Variants in ANO9 observed in about 807,000 individuals in gnomAD.
ANO9 encodes anoctamin-9.
A neutral mutation model predicts 100.5 loss-of-function variants in ANO9; 80 were observed. The ratio of observed to expected loss-of-function variants is 0.80; its 90% CI spans 0.66 to 0.96. The LOEUF is 0.96. Among genes scored for constraint, ANO9 ranks in the 40% least tolerant of loss-of-function variants. The pLI is 0.00. For synonymous variants in ANO9, 473 were observed against 435.6 expected, an observed-to-expected ratio of 1.09 and a Z score of -1.07; for missense variants, 1,064 against 1,072.7, an observed-to-expected ratio of 0.99 and a Z score of 0.11.
At position 419,134 on chromosome 11, in the gene ANO9, G is replaced by C. The variant is rs979099195; in HGVS notation, c.1935-145C>G. On this transcript the variant is annotated intron_variant, in intron 20 of 22. Transcript: ENST00000332826. ...CTGCGTCCAGTGGGACGGGGCTCCC[G>C]GGCCAAGCACATCTTCACATCCGGG... is the stretch of plus-strand genomic sequence containing the variant. 40 of 1,471,368 alleles carry C rather than the reference G, an allele frequency of 2.7e-5. No homozygotes were observed. In the Admixed American group the frequency reaches 5.8e-4, roughly 21 times the overall value. 91.1% of individuals were successfully genotyped at this position (1,471,368 alleles called of 1,614,324 possible). A position where few individuals can be genotyped will look rare whatever the true frequency, so the allele number is the denominator to read the frequency against.
At chr11:431,203 G>A (rs1347957465) in intron 7 of ANO9, among the ~76,000 whole-genome samples, 4 of 107,816 alleles carry the variant, frequency 3.7e-5, no homozygotes, top group Non-Finnish European at 3.9e-5. Flanking sequence ...GGCTTCCGCA[G>A]GGGTGTGGGG....
chr11:437,719 G>A lies in ANO9; in HGVS notation c.7-3621C>T, dbSNP rs1039618537. On this transcript the variant is annotated intron_variant, in intron 1 of 22. Coordinates refer to ENST00000332826, the MANE Select transcript of ANO9 (RefSeq NM_001012302.3). ...GGGGGGGACTGGTGGTCTGGGGGACGTGGGCATCACGGCTCCAGCTCTGCA... is the reference window on the plus strand; with the variant it reads ...GGGGGGGACTGGTGGTCTGGGGGACATGGGCATCACGGCTCCAGCTCTGCA... Among the ~76,000 whole-genome samples the A allele has an allele frequency of 1.2e-4, 18 of 152,362 alleles. No homozygotes were observed. In the East Asian group the frequency reaches 2.7e-3, roughly 23 times the overall value.
rs924269565 is a variant in ANO9 at position 421,733 on chromosome 11, C to T, written c.1335-535G>A. Among the ~76,000 whole-genome samples the T allele has an allele frequency of 6.6e-6, 1 of 152,206 alleles. No homozygotes were observed. Among genetic ancestry groups the T allele is most frequent in the African/African-American group, 2.4e-5 (1 of 41,448 alleles). ...GTTACGAGTGGCCTCGGTTTCTCCC[C>T]GTGGAAACGGCACGATGGGTTATTT... is the stretch of plus-strand genomic sequence containing the variant. On this transcript the variant is annotated intron_variant, in intron 15 of 22. Coordinates refer to ENST00000332826, the MANE Select transcript of ANO9 (RefSeq NM_001012302.3). This position sits in a 1 kb window ranked among gnomAD's most constrained non-coding sequence, Gnocchi z 6.8.
chr11:429,619 C>T lies in ANO9; in HGVS notation c.866G>A (p.Arg289His), dbSNP rs770127372. 1.7e-5 allele frequency: 28 copies of T among 1,612,618 alleles called. No individual in the cohort carries two copies. Among genetic ancestry groups the T allele is most frequent in the South Asian group, 4.4e-5 (4 of 91,088 alleles). ...GTCCCAGTGCAGGACCACGCGGGCG[C>T]GCTGCCGCTTCCAGATCTCCAGGAA... ...TVFLEIWKRQRARVVLHWDLY... is the reference protein window; with the variant it reads ...TVFLEIWKRQHARVVLHWDLY... Residue 289 changes from arginine (R) to histidine (H), a missense_variant, in exon 11 of 23, where the codon CGC becomes CAC. Arg to His is a conservative substitution (Grantham distance 29, BLOSUM62 0). Transcript: ENST00000332826.
intron 19 of ANO9, chr11:420,166 C>T (rs1848085077): frequency 7.3e-7 from 1 of 1,371,794 alleles, no homozygotes; most frequent in African/African-American, 1.5e-5. Flanking sequence ...CAGAGGCCGG[C>T]TGCTCTGTTC....
Position 430,188 on chromosome 11 carries a change from G to A in ANO9, c.675-9C>T, listed in dbSNP as rs1481498406. On this transcript the variant is annotated splice_polypyrimidine_tract_variant and intron_variant, in intron 8 of 22. Transcript: ENST00000332826. ...CCTCACAGATCTCCTTGCTGAAGGG[G>A]CAGGGATGAGGCTGGGGTCGGCTCC... is the stretch of plus-strand genomic sequence containing the variant. 3 of 1,550,928 alleles carry A rather than the reference G, an allele frequency of 1.9e-6. No homozygotes were observed. The highest frequency in any genetic ancestry group is 2.6e-6 in the Non-Finnish European group (3 of 1,147,626).
intron 1 of ANO9, among the ~76,000 whole-genome samples, chr11:439,899 A>T (rs552942131): frequency 2.0e-5 from 3 of 152,094 alleles, no homozygotes; most frequent in African/African-American, 7.2e-5. Flanking sequence ...CCATCCCCAG[A>T]CACTGACGGA....
intron 9 of ANO9, 106 bp downstream of exon 9, chr11:429,977 A>G: frequency 7.1e-7 from 1 of 1,405,772 alleles, no homozygotes; most frequent in South Asian, 1.2e-5. Context: ...CCTGTGGGGA[A>G]AGCTGAGCAG....
chr11:419,599 T>C lies in ANO9; in HGVS notation c.1917A>G (p.Glu639=), dbSNP rs776501381. The C allele has an allele frequency of 2.5e-6, 4 of 1,613,422 alleles. No individual in the cohort carries two copies. The Admixed American group carries it at 5.0e-5, about 20-fold the overall frequency. The change falls in exon 20 of 23, where the codon GAA becomes GAG. Residue 639 remains glutamate (E), a synonymous_variant. Transcript: ENST00000332826. ...YKYRYSPCLK[E]GNSTVDCLKG... is the part of the protein sequence containing the mutation. The stretch of plus-strand genomic sequence containing the variant: ...GGCCTTACTCGACAGTAGAGTTGCC[T>C]TCTTTCAGGCATGGGCTATAGCGGT...
chr11:419,144 C>T, intron 20 of ANO9, 155 bp from the exon 21 acceptor site: 3 of 1,457,496 alleles, frequency 2.1e-6, no homozygotes, highest in Non-Finnish European at 2.7e-6. Context: ...GGGCCAAGCA[C>T]ATCTTCACAT....
intron 15 of ANO9, among the ~76,000 whole-genome samples, chr11:423,738 C>T (rs1848329685): frequency 6.6e-6 from 1 of 151,922 alleles, no homozygotes. Context: ...ACTACATTGC[C>T]CAGGCTGGTC....
At chr11:441,887 T>C (rs755265345) in intron 1 of ANO9, 34 bp downstream of exon 1, 2 of 1,602,904 alleles carry the variant, frequency 1.2e-6, no homozygotes, top group Non-Finnish European at 1.7e-6. Context: ...CTGGGGGCCT[T>C]GAAGGTGTGG....
intron 11 of ANO9, among the ~76,000 whole-genome samples, chr11:429,028 C>T (rs1056449330): frequency 8.0e-5 from 11 of 137,754 alleles, no homozygotes; most frequent in African/African-American, 3.1e-4. Context: ...GGGACACTCA[C>T]ACCACACGTG....
chr11:433,389 G>C lies in ANO9; in HGVS notation c.275C>G (p.Thr92Ser). 6.2e-7 allele frequency: 1 copy of C among 1,613,234 alleles called. No homozygotes were observed. The highest frequency in any genetic ancestry group is 8.5e-7 in the Non-Finnish European group (1 of 1,179,898). The change falls in exon 4 of 23, where the codon ACT becomes AGT. Residue 92 changes from threonine (T) to serine (S), a missense_variant. Thr to Ser is a moderately conservative substitution (Grantham distance 58, BLOSUM62 1). Coordinates refer to ENST00000332826, the MANE Select transcript of ANO9 (RefSeq NM_001012302.3). ...ADNSVFGLYR[T>S]LLLEPEGPAP... ...AGGCCCCTCAGGCTCCAGGAGGAGA[G>C]TGCGGTACAGGCCAAAGACACTGTT...
At position 432,009 on chromosome 11, in the gene ANO9, G is replaced by C. The variant is rs776796845; in HGVS notation, c.396C>G (p.Thr132=). Residue 132 remains threonine, a synonymous_variant, in exon 5 of 23, where the codon ACC becomes ACG. Coordinates refer to ENST00000332826, the MANE Select transcript of ANO9 (RefSeq NM_001012302.3). This position sits in a 1 kb window ranked among gnomAD's most constrained non-coding sequence, Gnocchi z 4.8. ...CACCCCTGCCCTTACCACCAGCCGAGGTCTTGTTGTTCATGACAACGAAGT... is the reference window on the plus strand; with the variant it reads ...CACCCCTGCCCTTACCACCAGCCGACGTCTTGTTGTTCATGACAACGAAGT... The part of the protein sequence containing the change: ...IVNFVVMNNK[T]SAGETFEDLM... 1 of 1,613,092 alleles carries C rather than the reference G, an allele frequency of 6.2e-7. No homozygotes were observed. The highest frequency in any genetic ancestry group is 8.5e-7 in the Non-Finnish European group (1 of 1,179,780).
In ANO9 at chr11:431,785, G is replaced by A; in HGVS notation, c.466-18C>T. The A allele has an allele frequency of 6.2e-7, 1 of 1,612,422 alleles. No homozygotes were observed. Among genetic ancestry groups the A allele is most frequent in the Non-Finnish European group, 8.5e-7 (1 of 1,179,550 alleles). ...CCCTCCCCCTGGCTCGGGTGACAGA[G>A]AGTGAGAGCCCCCATCCCAGGGTCC... is the stretch of plus-strand genomic sequence containing the variant. On this transcript the variant is annotated intron_variant, in intron 6 of 22. Transcript: ENST00000332826.
intron 1 of ANO9, among the ~76,000 whole-genome samples, chr11:437,409 A>T (rs148956034): frequency 7.5e-5 from 11 of 146,088 alleles, no homozygotes; most frequent in East Asian, 4.2e-4. Context: ...TGCGGGGGGA[A>T]GTTCTTGCCC....
intron 15 of ANO9, among the ~76,000 whole-genome samples, chr11:425,027 T>C (rs1308034416): frequency 9.0e-5 from 6 of 66,696 alleles, no homozygotes; most frequent in African/African-American, 2.5e-4. Context: ...AAAGGCGGCG[T>C]GGAGAGACGG....
chr11:430,019 G>C, intron 9 of ANO9, 64 bp downstream of exon 9: 2 of 1,508,362 alleles, frequency 1.3e-6, no homozygotes, highest in Non-Finnish European at 1.8e-6. Context: ...GATCTCCCCC[G>C]CTTCGGGTGG....
Sources: allele counts gnomAD v4.1 joint callset (sites outside exome capture counted in the v4.1 genomes callset), GRCh38; gene constraint gnomAD v4.1.1; non-coding constraint Gnocchi (gnomAD v3.1); transcripts MANE v1.5; gene names NCBI Gene and HGNC (gene_info 2026-07-23, HGNC 2026-07-21).